The following TIMD4 variants were observed in gnomAD, a reference collection of about 807,000 sequenced individuals.
TIMD4 encodes the protein T cell immunoglobulin and mucin domain containing 4, also known as T-cell immunoglobulin and mucin domain-containing protein 4.
Under a neutral mutation model 41.2 loss-of-function variants are expected in TIMD4, and 31 were observed. That is an observed-to-expected ratio of 0.75 (90% CI 0.57 to 1.01). The LOEUF is 1.01. Ranked by LOEUF, TIMD4 falls within the 50% of genes least tolerant of loss-of-function variation. The pLI, the probability that TIMD4 is intolerant of heterozygous loss-of-function variation, is 0.00. For synonymous variants in TIMD4, 204 were observed against 177.1 expected (o/e 1.15, Z -1.21); for missense variants, 479 against 472.5 (o/e 1.01, Z -0.13).
chr5:156,923,128 C>T (rs1432293973), intron 6 of TIMD4, among the ~76,000 whole-genome samples: 1 of 149,322 alleles, frequency 6.7e-6, no homozygotes, highest in Non-Finnish European at 1.5e-5. Flanking sequence ...AAGCTCCTGC[C>T]ATTGCTGGGA....
chr5:156,931,307 A>G (rs1759441114), intron 5 of TIMD4, among the ~76,000 whole-genome samples: 1 of 152,240 alleles, frequency 6.6e-6, no homozygotes, highest in Non-Finnish European at 1.5e-5. Flanking sequence ...TACAGCAGCA[A>G]CAAGAAACTA....
intron 1 of TIMD4, among the ~76,000 whole-genome samples, chr5:156,962,184 C>T (rs1484740544): frequency 6.6e-6 from 1 of 151,976 alleles, no homozygotes; most frequent in Non-Finnish European, 1.5e-5. Context: ...GGAATAAGTC[C>T]TAGTGTTTGA....
intron 6 of TIMD4, among the ~76,000 whole-genome samples, chr5:156,925,088 C>T (rs1561544226): frequency 6.6e-6 from 1 of 152,162 alleles, no homozygotes; most frequent in Non-Finnish European, 1.5e-5. Context: ...ATGGGTGGAC[C>T]ACTTGAGGCT....
intron 5 of TIMD4, among the ~76,000 whole-genome samples, chr5:156,934,885 CTCA>C (rs1350654199): frequency 6.6e-6 from 1 of 152,192 alleles, no homozygotes; most frequent in Non-Finnish European, 1.5e-5. Flanking sequence ...CATATGTTGA[CTCA>C]TCATTGAATT....
At chr5:156,921,956 T>A (rs1283737740) in intron 7 of TIMD4, 143 bp downstream of exon 7, 2 of 619,146 alleles carry the variant, frequency 3.2e-6, no homozygotes, top group Non-Finnish European at 5.6e-6. Context: ...ACTTACCTGT[T>A]ACTTCCCTGG....
chr5:156,953,205 A>G (rs1160188458), intron 2 of TIMD4, among the ~76,000 whole-genome samples: 1 of 152,238 alleles, frequency 6.6e-6, no homozygotes, highest in Non-Finnish European at 1.5e-5. Context: ...TCTAACTTCA[A>G]TAAACCTCAT....
At position 156,936,783 on chromosome 5, in the gene TIMD4, T is replaced by C. The variant is rs553723648; in HGVS notation, c.845-10471A>G. ...GTACAAAAAAAAAAAGAAAAAAAAA[T>C]TAGCCAGGCATGATGGCGGGTGCCT... is the stretch of plus-strand genomic sequence containing the variant. On this transcript the variant is annotated intron_variant, in intron 5 of 8. Coordinates refer to ENST00000274532, the MANE Select transcript of TIMD4 (RefSeq NM_138379.3). 1.0e-4 allele frequency among the ~76,000 whole-genome samples: 15 copies of C among 149,270 alleles called. No homozygotes were observed. In the South Asian group the frequency reaches 2.3e-3, roughly 23 times the overall value.
At chr5:156,949,519 G>T in intron 4 of TIMD4, 132 bp downstream of exon 4, 17 of 686,288 alleles carry the variant, frequency 2.5e-5, no homozygotes, top group Middle Eastern at 2.6e-4. Flanking sequence ...AGGCCAATTT[G>T]CCACAGGGGG....
intron 1 of TIMD4, among the ~76,000 whole-genome samples, chr5:156,955,783 G>A (rs1759959759): frequency 1.3e-5 from 2 of 152,084 alleles, no homozygotes; most frequent in Non-Finnish European, 2.9e-5. Flanking sequence ...AAATTACTTA[G>A]ACTATTTGTT....
At chr5:156,937,760 G>C (rs112444428) in intron 5 of TIMD4, among the ~76,000 whole-genome samples, 2,395 of 152,170 alleles carry the variant, frequency 0.016, 49 homozygotes, top group African/African-American at 0.054. Context: ...TTGTACAGTT[G>C]GTAGACTAGA....
chr5:156,949,708 C>T lies in TIMD4; in HGVS notation c.703G>A (p.Asp235Asn). The T allele has an allele frequency of 6.2e-7, 1 of 1,613,352 alleles. No homozygotes were observed. The highest frequency in any genetic ancestry group is 8.5e-7 in the Non-Finnish European group (1 of 1,179,352). ...TAESETVLPS[D>N]SWSSVESTSA... ...GTAGACTCAACACTACTCCAGGAAT[C>T]ACTGGGGAGGACAGTTTCTGATTCT... is the stretch of plus-strand genomic sequence containing the variant. The change falls in exon 4 of 9, where the codon GAT becomes AAT. Residue 235 changes from aspartate to asparagine, a missense_variant. By Grantham distance (23) the Asp-to-Asn change is conservative (BLOSUM62 1). Transcript: ENST00000274532.
At chr5:156,951,942 C>T in intron 2 of TIMD4, 152 bp from the exon 3 acceptor site, 1 of 1,032,868 alleles carries the variant, frequency 9.7e-7, no homozygotes, top group Admixed American at 2.2e-5. Context: ...TGTTTCCTGC[C>T]CCCACCCTGA....
At chr5:156,929,717 TGA>T (rs1158893293) in intron 5 of TIMD4, among the ~76,000 whole-genome samples, 10 of 152,146 alleles carry the variant, frequency 6.6e-5, no homozygotes, top group Non-Finnish European at 5.9e-5. Flanking sequence ...CCTCCAGAAC[TGA>T]GAGAGAATGA....
At chr5:156,959,488 G>A (rs1341502944) in intron 1 of TIMD4, among the ~76,000 whole-genome samples, 1 of 152,156 alleles carries the variant, frequency 6.6e-6, no homozygotes, top group African/African-American at 2.4e-5. Flanking sequence ...TGTTGTAAAA[G>A]TATCCCTGAG....
intron 1 of TIMD4, among the ~76,000 whole-genome samples, chr5:156,957,755 G>T (rs1760000669): frequency 6.6e-6 from 1 of 152,070 alleles, no homozygotes; most frequent in African/African-American, 2.4e-5. Flanking sequence ...TTGAACCCAG[G>T]AGTTTGAGGC....
chr5:156,922,054 C>T (rs757126327), intron 7 of TIMD4, 45 bp downstream of exon 7: 110 of 1,475,716 alleles, frequency 7.5e-5, no homozygotes, highest in African/African-American at 1.1e-4. Flanking sequence ...CTCCTGCAGT[C>T]GCCAGGGTTC....
intron 4 of TIMD4, among the ~76,000 whole-genome samples, chr5:156,949,436 TCCTCC>T (rs1759810596): frequency 6.6e-6 from 1 of 151,152 alleles, no homozygotes; most frequent in South Asian, 2.1e-4. Flanking sequence ...CTCCTCCTCC[TCCTCC>T]TCCTCCTCCT....
At chr5:156,921,174 T>C (rs1474301977) in intron 7 of TIMD4, among the ~76,000 whole-genome samples, 1 of 152,084 alleles carries the variant, frequency 6.6e-6, no homozygotes, top group Non-Finnish European at 1.5e-5. Flanking sequence ...AGCAGCTTGC[T>C]AACTTAATGA....
intron 5 of TIMD4, among the ~76,000 whole-genome samples, chr5:156,929,244 C>G (rs1382501914): frequency 6.6e-6 from 1 of 152,040 alleles, no homozygotes; most frequent in Non-Finnish European, 1.5e-5. Flanking sequence ...TTCCCCCAGC[C>G]CTTAGATTCT....
Sources: allele counts gnomAD v4.1 joint callset (sites outside exome capture counted in the v4.1 genomes callset), GRCh38; gene constraint gnomAD v4.1.1; transcripts MANE v1.5; gene names NCBI Gene and HGNC (gene_info 2026-07-23, HGNC 2026-07-21).